Variants in ZNF609 observed in about 807,000 individuals in gnomAD.
The protein encoded by ZNF609 is zinc finger protein 609.
Under a neutral mutation model 109.5 loss-of-function variants are expected in ZNF609, and 11 were observed. The ratio of observed to expected loss-of-function variants is 0.10; its 90% CI spans 0.06 to 0.17. The LOEUF is 0.17. Among genes scored for constraint, ZNF609 ranks in the 10% least tolerant of loss-of-function variants. The pLI is 1.00. For synonymous variants in ZNF609, 646 were observed against 662.0 expected, an observed-to-expected ratio of 0.98 and a Z score of 0.37; for missense variants, 1,559 against 1,772.4, an observed-to-expected ratio of 0.88 and a Z score of 2.16.
chr15:64,529,918 C>T (rs929280833), intron 2 of ZNF609, among the ~76,000 whole-genome samples: 7 of 149,768 alleles, frequency 4.7e-5, no homozygotes, highest in East Asian at 4.0e-4. Context: ...TTAGTAGAGA[C>T]GGGGTTTTTC....
intron 1 of ZNF609, among the ~76,000 whole-genome samples, chr15:64,464,977 T>C (rs1039344991): frequency 6.6e-6 from 1 of 152,196 alleles, no homozygotes; most frequent in South Asian, 2.1e-4. Context: ...AGTAAGATGG[T>C]AATAGAATAG....
chr15:64,479,605 C>T (rs1893222771), intron 1 of ZNF609, among the ~76,000 whole-genome samples: 1 of 151,646 alleles, frequency 6.6e-6, no homozygotes, highest in African/African-American at 2.4e-5. Flanking sequence ...CCTGTGTGAT[C>T]TTAAGCATTT....
At chr15:64,671,573 A>C (rs577616468) in intron 4 of ZNF609, among the ~76,000 whole-genome samples, 1 of 152,184 alleles carries the variant, frequency 6.6e-6, no homozygotes, top group Non-Finnish European at 1.5e-5. Context: ...GGACCTTTTC[A>C]TGTCGCAATT....
chr15:64,471,228 G>T (rs1893085897), intron 1 of ZNF609: 1 of 152,130 alleles, frequency 6.6e-6, no homozygotes. Flanking sequence ...AGGCGTGGTG[G>T]CATATGCCTG....
chr15:64,536,691 AC>A (rs1355178713), intron 2 of ZNF609, among the ~76,000 whole-genome samples: 1 of 147,652 alleles, frequency 6.8e-6, no homozygotes, highest in Non-Finnish European at 1.5e-5. Context: ...AGCCTGGGCA[AC>A]CTAGCAAGAC....
chr15:64,497,951 G>A (rs1185680786), intron 1 of ZNF609, among the ~76,000 whole-genome samples: 1 of 151,758 alleles, frequency 6.6e-6, no homozygotes, highest in Non-Finnish European at 1.5e-5. Flanking sequence ...GTGGACAGAG[G>A]AATAAGCAAG....
At chr15:64,508,826 C>T (rs1893675587) in intron 2 of ZNF609, among the ~76,000 whole-genome samples, 1 of 151,470 alleles carries the variant, frequency 6.6e-6, no homozygotes, top group Non-Finnish European at 1.5e-5. Flanking sequence ...TCCCCAGTAG[C>T]TGGGACTACA....
intron 2 of ZNF609, among the ~76,000 whole-genome samples, chr15:64,571,089 A>G (rs892677360): frequency 4.6e-5 from 7 of 152,220 alleles, no homozygotes; most frequent in African/African-American, 1.4e-4. Flanking sequence ...TTAAAAGTCC[A>G]TGCTGATGCT....
At chr15:64,578,176 G>T (rs937397742) in intron 2 of ZNF609, among the ~76,000 whole-genome samples, 3 of 151,250 alleles carry the variant, frequency 2.0e-5, no homozygotes, top group African/African-American at 7.3e-5. Context: ...AGACAGTCTT[G>T]CACTGTCGCC....
At chr15:64,521,549 T>C (rs993507780) in intron 2 of ZNF609, among the ~76,000 whole-genome samples, 22 of 152,240 alleles carry the variant, frequency 1.4e-4, no homozygotes, top group African/African-American at 4.8e-4. Flanking sequence ...ACTGATTGTT[T>C]TATAACTCTC....
chr15:64,672,324 T>A (rs1315388603), intron 4 of ZNF609, among the ~76,000 whole-genome samples: 1 of 149,874 alleles, frequency 6.7e-6, no homozygotes, highest in Non-Finnish European at 1.5e-5. Flanking sequence ...AGGCTTAGAC[T>A]TTTATAAGAC....
chr15:64,545,265 C>T (rs1040047402), intron 2 of ZNF609, among the ~76,000 whole-genome samples: 2 of 151,932 alleles, frequency 1.3e-5, no homozygotes, highest in African/African-American at 4.8e-5. Flanking sequence ...GTGGCGTGAC[C>T]TTGGCTCATT....
chr15:64,476,944 C>T (rs771909708), intron 1 of ZNF609, among the ~76,000 whole-genome samples: 2 of 152,008 alleles, frequency 1.3e-5, no homozygotes, highest in Non-Finnish European at 2.9e-5. Context: ...GTGTGCTATG[C>T]GCCTGGCCTA....
rs1489153302 is a variant in ZNF609 at position 64,681,807 on chromosome 15, T to G, written c.*121T>G. 1.3e-5 allele frequency: 2 copies of G among 159,048 alleles called. No homozygotes were observed. The highest frequency in any genetic ancestry group is 1.8e-4 in the East Asian group (1 of 5,470). The allele number at this position is 159,048 out of a possible 1,614,324, so 9.9% of individuals were successfully genotyped here. ...GGTGTTGATCATCCTGTTTGCCGTTTCCACCATGACTGAAGGCAGACCCTT... is the reference window on the plus strand; with the variant it reads ...GGTGTTGATCATCCTGTTTGCCGTTGCCACCATGACTGAAGGCAGACCCTT... On this transcript the variant is annotated 3_prime_UTR_variant, in exon 10 of 10. Transcript: ENST00000326648.
intron 2 of ZNF609, among the ~76,000 whole-genome samples, chr15:64,538,981 T>C (rs968295808): frequency 2.6e-5 from 4 of 151,986 alleles, no homozygotes; most frequent in African/African-American, 9.7e-5. Flanking sequence ...GCTACATGCA[T>C]GCACCACCAT....
At chr15:64,538,182 T>C (rs1338693305) in intron 2 of ZNF609, among the ~76,000 whole-genome samples, 2 of 152,110 alleles carry the variant, frequency 1.3e-5, no homozygotes, top group Non-Finnish European at 2.9e-5. Flanking sequence ...TTTGTTGCAT[T>C]AGGAGGTGAA....
chr15:64,525,688 T>A (rs1308507796), intron 2 of ZNF609, among the ~76,000 whole-genome samples: 1 of 152,186 alleles, frequency 6.6e-6, no homozygotes, highest in Non-Finnish European at 1.5e-5. Flanking sequence ...ATAAAAAATC[T>A]TCCAATCCAT....
intron 3 of ZNF609, among the ~76,000 whole-genome samples, chr15:64,649,572 TCCAAA>T (rs1896384851): frequency 6.6e-6 from 1 of 152,210 alleles, no homozygotes; most frequent in Non-Finnish European, 1.5e-5. Context: ...CTGGTGCCAC[TCCAAA>T]CCCTGCCTGA....
intron 1 of ZNF609, among the ~76,000 whole-genome samples, chr15:64,461,102 C>G (rs1028501979): frequency 3.3e-5 from 5 of 149,596 alleles, no homozygotes; most frequent in Non-Finnish European, 7.4e-5. Context: ...GTAGGGGTGC[C>G]CGGGAGGGGA....
Sources: gnomAD v4.1 joint callset for allele counts (sites outside exome capture counted in the v4.1 genomes callset) on GRCh38, gnomAD v4.1.1 for gene constraint, MANE v1.5 for transcripts, NCBI Gene and HGNC (gene_info 2026-07-23, HGNC 2026-07-21) for gene names.